Variants in RNPEPL1 observed in about 807,000 individuals in gnomAD.
The protein encoded by RNPEPL1 is aminopeptidase RNPEPL1.
RNPEPL1 carries 46 observed loss-of-function variants against 69.0 expected under a neutral mutation model. That is an observed-to-expected ratio of 0.67 (90% confidence interval 0.53 to 0.85). RNPEPL1 has a LOEUF of 0.85. Ranked by LOEUF, RNPEPL1 falls within the 40% of genes least tolerant of loss-of-function variation. RNPEPL1 has a pLI of 0.00. For synonymous variants in RNPEPL1, 525 were observed against 454.1 expected (o/e 1.16, Z -1.98); for missense variants, 869 against 992.5 (o/e 0.88, Z 1.67).
At position 240,574,219 on chromosome 2, in the gene RNPEPL1, A is replaced by G; in HGVS notation, c.1045A>G (p.Ile349Val). ...SILESDEFLV[I>V]DVIHEVAHSW... ...CCTGGAGAGCGATGAGTTCCTGGTC[A>G]TCGATGTCATCCACGAGGTGGCCCA... is the stretch of plus-strand genomic sequence containing the variant. The change falls in exon 5 of 11, where the codon ATC (isoleucine) becomes GTC (valine). Residue 349 changes from isoleucine to valine, a missense_variant. Ile to Val is a conservative substitution (Grantham distance 29). Around this residue, in one of 2 missense-constraint regions of RNPEPL1, gnomAD observed 610 missense variants for 790.9 expected, o/e 0.77. Transcript: ENST00000270357. 6.2e-7 allele frequency: 1 copy of G among 1,613,232 alleles called. No individual in the cohort carries two copies. The highest frequency in any genetic ancestry group is 8.5e-7 in the Non-Finnish European group (1 of 1,179,912).
rs1000811184 is a variant in RNPEPL1 at position 240,578,008 on chromosome 2, C to T, written c.*116C>T. On this transcript the variant is annotated 3_prime_UTR_variant, in exon 11 of 11. Coordinates refer to ENST00000270357, the MANE Select transcript of RNPEPL1 (RefSeq NM_018226.6). ...CATGAGCTCTGCCCAGGCCCACAAGCCCCTCCCCTGGGCTCTCCCAGGCAG... is the reference window on the plus strand; with the variant it reads ...CATGAGCTCTGCCCAGGCCCACAAGTCCCTCCCCTGGGCTCTCCCAGGCAG... The T allele has an allele frequency of 7.3e-6, 8 of 1,093,230 alleles. No individual in the cohort carries two copies. The African/African-American group carries it at 1.3e-4, about 17-fold the overall frequency. The allele number at this position is 1,093,230 out of a possible 1,614,324, so 67.7% of individuals were successfully genotyped here.
At chr2:240,575,463 C>T (rs757228907) in intron 7 of RNPEPL1, 39 bp from the exon 8 acceptor site, 4 of 1,566,182 alleles carry the variant, frequency 2.6e-6, no homozygotes, top group East Asian at 4.5e-5. Context: ...CTGTGCCCCA[C>T]CCTTCCAGGC....
At chr2:240,573,392 C>T in intron 3 of RNPEPL1, 131 bp downstream of exon 3, 1 of 859,732 alleles carries the variant, frequency 1.2e-6, no homozygotes, top group Non-Finnish European at 1.7e-6. Flanking sequence ...TGGGCCAGCC[C>T]TGCCCCTGCC....
In RNPEPL1 at chr2:240,568,939, C is replaced by T. The variant is rs1181498070; in HGVS notation, c.353C>T (p.Pro118Leu). The T allele has an allele frequency of 2.9e-6, 4 of 1,364,300 alleles. No homozygotes were observed. Among genetic ancestry groups the T allele is most frequent in the South Asian group, 1.7e-5 (1 of 58,250 alleles). The allele number at this position is 1,364,300 out of a possible 1,614,324, so 84.5% of individuals were successfully genotyped here. The change falls in exon 1 of 11, where the codon CCG (proline) becomes CTG (leucine). Residue 118 changes from proline to leucine, a missense_variant. Physicochemically the swap from Pro to Leu is moderately conservative, Grantham distance 98. This residue lies in a region of RNPEPL1 where 259 missense variants were observed against 201.5 expected (regional missense o/e 1.29). Coordinates refer to ENST00000270357, the MANE Select transcript of RNPEPL1 (RefSeq NM_018226.6). The surrounding 1 kb of genome is among the most constrained non-coding windows in gnomAD (Gnocchi z 6.2). ...APGPGPAPPP[P>L]LPAFPEAPGS... Reference sequence around the variant, plus strand: ...GGGCCGGGGCCCGCGCCGCCGCCCCCGCTGCCCGCCTTCCCCGAGGCGCCC... The same window carrying T: ...GGGCCGGGGCCCGCGCCGCCGCCCCTGCTGCCCGCCTTCCCCGAGGCGCCC...
At chr2:240,577,141 GGCATGCACCGGGT>G (rs1206046924) in intron 10 of RNPEPL1, 151 bp downstream of exon 10, 2 of 968,992 alleles carry the variant, frequency 2.1e-6, no homozygotes, top group African/African-American at 3.3e-5. Flanking sequence ...TGGGAGTGGG[GGCATGCACCGGGT>G]GCAGGTACCA....
chr2:240,568,760 C>T lies in RNPEPL1; in HGVS notation c.174C>T (p.Ala58=). The change falls in exon 1 of 11, where the codon GCC becomes GCT. Residue 58 remains alanine (A), a synonymous_variant. Transcript: ENST00000270357. This position sits in a 1 kb window ranked among gnomAD's most constrained non-coding sequence, Gnocchi z 6.2. The part of the protein sequence containing the change: ...LELRPEAREL[A]GCLVLELCAL... ...TGCGGCCCGAGGCGCGCGAGTTGGC[C>T]GGCTGCCTGGTGCTCGAGCTGTGCG... 1 of 1,068,444 alleles carries T rather than the reference C, an allele frequency of 9.4e-7. No individual in the cohort carries two copies. The highest frequency in any genetic ancestry group is 1.1e-6 in the Non-Finnish European group (1 of 882,740). 66.2% of individuals were successfully genotyped at this position (1,068,444 alleles called of 1,614,324 possible). A position where few individuals can be genotyped will look rare whatever the true frequency, so the allele number is the denominator to read the frequency against.
rs1490478377 is a variant in RNPEPL1, at chr2:240,580,709, T to C, written c.*2817T>C. ...CCATATGCACAAAAGCGGGGGCAGA[T>C]GGCAAACAGCACTAATGACAACGAC... On this transcript the variant is annotated 3_prime_UTR_variant, in exon 11 of 11. Transcript: ENST00000270357. 2 of 152,300 alleles carry C rather than the reference T, an allele frequency of 1.3e-5. No homozygotes were observed. Among genetic ancestry groups the C allele is most frequent in the East Asian group, 3.9e-4 (2 of 5,188 alleles). The allele number at this position is 152,300 out of a possible 1,614,324, so 9.4% of individuals were successfully genotyped here.
intron 1 of RNPEPL1, among the ~76,000 whole-genome samples, chr2:240,571,832 T>C (rs1260314871): frequency 2.0e-5 from 3 of 152,026 alleles, no homozygotes; most frequent in African/African-American, 7.2e-5. Flanking sequence ...AGCAGGGTCC[T>C]CTGGCCTGGC....
intron 8 of RNPEPL1, chr2:240,575,851 G>A (rs1559417555): frequency 3.7e-6 from 2 of 543,658 alleles, no homozygotes; most frequent in East Asian, 3.1e-5. Context: ...GGCACTCCCA[G>A]GAAGCGGGCC....
chr2:240,575,425 G>A, intron 7 of RNPEPL1, 77 bp from the exon 8 acceptor site: 1 of 1,280,362 alleles, frequency 7.8e-7, no homozygotes, highest in Non-Finnish European at 1.1e-6. Context: ...ACGCCCTGCA[G>A]TGCCCTGCAG....
chr2:240,572,746 C>G (rs756983080), intron 2 of RNPEPL1, among the ~76,000 whole-genome samples, 183 bp downstream of exon 2: 1 of 152,194 alleles, frequency 6.6e-6, no homozygotes, highest in African/African-American at 2.4e-5. Flanking sequence ...CGGGGGAAGC[C>G]GGGCTGCCTC....
chr2:240,574,008 C>T (rs1346293336), intron 4 of RNPEPL1, 105 bp from the exon 5 acceptor site: 10 of 1,386,128 alleles, frequency 7.2e-6, no homozygotes, highest in African/African-American at 7.1e-5. Context: ...CGGAGCTCAC[C>T]GCAGGGGCTG....
Position 240,574,215 on chromosome 2 carries a change from G to A in RNPEPL1, c.1041G>A (p.Leu347=). 1 of 1,613,400 alleles carries A rather than the reference G, an allele frequency of 6.2e-7. No homozygotes were observed. The change falls in exon 5 of 11, where the codon CTG becomes CTA. Residue 347 remains leucine (L), a synonymous_variant. Coordinates refer to ENST00000270357, the MANE Select transcript of RNPEPL1 (RefSeq NM_018226.6). Reference sequence around the variant, plus strand: ...CCATCCTGGAGAGCGATGAGTTCCTGGTCATCGATGTCATCCACGAGGTGG... The same window carrying A: ...CCATCCTGGAGAGCGATGAGTTCCTAGTCATCGATGTCATCCACGAGGTGG... ...ISSILESDEF[L]VIDVIHEVAH...
chr2:240,572,964 G>C, intron 2 of RNPEPL1, 146 bp from the exon 3 acceptor site: 1 of 993,108 alleles, frequency 1.0e-6, no homozygotes, highest in South Asian at 1.7e-5. Flanking sequence ...GCAGTTCTTC[G>C]GAGAGAAGTT....
Position 240,569,052 on chromosome 2 carries a change from G to T in RNPEPL1, c.466G>T (p.Glu156Ter). 5 of 1,509,020 alleles carry T rather than the reference G, an allele frequency of 3.3e-6. No homozygotes were observed. Among genetic ancestry groups the T allele is most frequent in the Non-Finnish European group, 4.4e-6 (5 of 1,136,198 alleles). 93.5% of individuals were successfully genotyped at this position (1,509,020 alleles called of 1,614,324 possible). A position where few individuals can be genotyped will look rare whatever the true frequency, so the allele number is the denominator to read the frequency against. Reference protein sequence around the residue: ...GSSLTVTLPPELQAHQPFQVI... With the variant: ...GSSLTVTLPP ...CTCGCTCACCGTCACGCTGCCGCCC[G>T]AGCTGCAGGCGCACCAGCCCTTCCA... Residue 156 changes from glutamate to a stop codon, truncating the protein, a stop_gained, in exon 1 of 11, where the codon GAG becomes TAG. Coordinates refer to ENST00000270357, the MANE Select transcript of RNPEPL1 (RefSeq NM_018226.6). LOFTEE classifies it high-confidence loss of function.
chr2:240,575,757 G>A (rs2093035757), intron 8 of RNPEPL1, 147 bp downstream of exon 8: 1 of 665,648 alleles, frequency 1.5e-6, no homozygotes, highest in South Asian at 1.7e-5. Context: ...GACCATGTGG[G>A]CCCCAGGCTG....
In RNPEPL1 at chr2:240,568,823, G is replaced by A; in HGVS notation, c.237G>A (p.Ala79=). 2 of 1,129,178 alleles carry A rather than the reference G, an allele frequency of 1.8e-6. No homozygotes were observed. Among genetic ancestry groups the A allele is most frequent in the South Asian group, 2.9e-5 (1 of 34,798 alleles). 69.9% of individuals were successfully genotyped at this position (1,129,178 alleles called of 1,614,324 possible). A position where few individuals can be genotyped will look rare whatever the true frequency, so the allele number is the denominator to read the frequency against. ...RPAPRALVLD[A]HPALRLHSAA... is the part of the protein sequence containing the mutation. The stretch of plus-strand genomic sequence containing the variant: ...CGCCCCGCGCGCTCGTGCTCGACGC[G>A]CACCCGGCTCTGCGCCTGCACTCAG... The change falls in exon 1 of 11, where the codon GCG becomes GCA. Residue 79 remains alanine (A), a synonymous_variant. Transcript: ENST00000270357. The surrounding 1 kb of genome is among the most constrained non-coding windows in gnomAD (Gnocchi z 6.2).
At position 240,575,448 on chromosome 2, in the gene RNPEPL1, G is replaced by A. The variant is rs940616208; in HGVS notation, c.1402-54G>A. On this transcript the variant is annotated intron_variant, in intron 7 of 10. Coordinates refer to ENST00000270357, the MANE Select transcript of RNPEPL1 (RefSeq NM_018226.6). Reference sequence around the variant, plus strand: ...CAGTGCCCTGCAGGCCTCTGGTGGGGCTGCCTGTGCCCCACCCTTCCAGGC... The same window carrying A: ...CAGTGCCCTGCAGGCCTCTGGTGGGACTGCCTGTGCCCCACCCTTCCAGGC... 1.1e-5 allele frequency: 16 copies of A among 1,482,210 alleles called. No individual in the cohort carries two copies. The African/African-American group carries it at 1.9e-4, about 18-fold the overall frequency. 91.8% of individuals were successfully genotyped at this position (1,482,210 alleles called of 1,614,324 possible).
At chr2:240,572,665 C>G in intron 2 of RNPEPL1, 102 bp downstream of exon 2, 2 of 1,411,518 alleles carry the variant, frequency 1.4e-6, no homozygotes, top group South Asian at 2.7e-5. Flanking sequence ...GTGGCCCCAG[C>G]TGCCAGCAGG....
Sources: gnomAD v4.1 joint callset for allele counts (sites outside exome capture counted in the v4.1 genomes callset) on GRCh38, gnomAD v4.1.1 for gene constraint, gnomAD v4.1.1 regional missense constraint, Gnocchi (gnomAD v3.1) non-coding constraint, MANE v1.5 for transcripts, NCBI Gene and HGNC (gene_info 2026-07-23, HGNC 2026-07-21) for gene names.